The following VNN2 variants were observed in gnomAD, a reference collection of about 807,000 sequenced individuals.
VNN2 encodes the protein vanin 2, also known as pantetheine hydrolase VNN2.
VNN2 carries 43 observed loss-of-function variants against 43.0 expected under a neutral mutation model. The ratio of observed to expected loss-of-function variants is 1.00; its 90% CI spans 0.78 to 1.29. The LOEUF is 1.29. VNN2 is among the 50% of genes most tolerant of loss of function. The probability of loss-of-function intolerance (pLI) is 0.00; values close to 1 mark genes in which losing one functional copy is unlikely to be tolerated. For synonymous variants in VNN2, 230 were observed against 224.3 expected, an observed-to-expected ratio of 1.03 and a Z score of -0.23; for missense variants, 652 against 619.7, an observed-to-expected ratio of 1.05 and a Z score of -0.55.
At chr6:132,761,595 G>T (rs542472030), upstream of VNN2, among the ~76,000 whole-genome samples, 2 of 152,116 alleles carry the variant, frequency 1.3e-5, no homozygotes, top group Non-Finnish European at 2.9e-5. Flanking sequence ...AGGAGGAGGA[G>T]GTTGCAGTGA....
rs780616091 is a variant in VNN2 at position 132,755,712 on chromosome 6, C to CAAAA, written c.537+127_537+130dup. On this transcript the variant is annotated intron_variant, in intron 3 of 6. Transcript: ENST00000326499. Reference sequence around the variant, plus strand: ...TTCTTTATTGCCCACTTTCAAAAAACAAAAAACAAAACAAAACAAAAAAAC... The same window carrying CAAAA: ...TTCTTTATTGCCCACTTTCAAAAAACAAAAAAAAAACAAAACAAAACAAAAAAAC... 5.2e-5 allele frequency: 56 copies of CAAAA among 1,072,074 alleles called. 1 individual carries two copies. The highest frequency in any genetic ancestry group is 1.1e-4 in the East Asian group (4 of 36,606). The allele number at this position is 1,072,074 out of a possible 1,614,324, so 66.4% of individuals were successfully genotyped here.
chr6:132,758,043 T>TA (rs374005582), upstream of VNN2: 14,279 of 357,524 alleles, frequency 0.04, 1,072 homozygotes, highest in East Asian at 0.083. Flanking sequence ...CTTCTTCTTT[T>TA]TTTTTTTTTT....
At position 132,757,742 on chromosome 6, in the gene VNN2, C is replaced by A; in HGVS notation, c.142G>T (p.Glu48Ter). 1 of 1,614,156 alleles carries A rather than the reference C, an allele frequency of 6.2e-7. No individual in the cohort carries two copies. Among genetic ancestry groups the A allele is most frequent in the Non-Finnish European group, 8.5e-7 (1 of 1,180,026 alleles). Residue 48 changes from glutamate to a stop codon, truncating the protein, a stop_gained, in exon 1 of 7, where the codon GAG becomes TAG. Coordinates refer to ENST00000326499, the MANE Select transcript of VNN2 (RefSeq NM_004665.6). LOFTEE classifies it high-confidence loss of function. ...PNKTETPVSQ[E>*]DALNLMNENI... Reference sequence around the variant, plus strand: ...TCGTTCATGAGATTCAAGGCATCCTCCTGAGAAACTGGTGTTTCTGTTTTA... The same window carrying A: ...TCGTTCATGAGATTCAAGGCATCCTACTGAGAAACTGGTGTTTCTGTTTTA...
chr6:132,753,640 T>A, intron 3 of VNN2: 1 of 286,960 alleles, frequency 3.5e-6, no homozygotes, highest in Non-Finnish European at 7.0e-6. Flanking sequence ...GAAAAGAAAT[T>A]GGGCTTTACT....
rs376154148 is a variant in VNN2 at position 132,744,244 on chromosome 6, C to A, written c.*56G>T. ...AAGTTTCTTAGTAAACTTGGGAAGC[C>A]GATAAACACATTCAGCCAAGCATAT... On this transcript the variant is annotated 3_prime_UTR_variant, in exon 7 of 7. Transcript: ENST00000326499. The A allele has an allele frequency of 6.6e-7, 1 of 1,521,184 alleles. No individual in the cohort carries two copies. The allele number at this position is 1,521,184 out of a possible 1,614,324, so 94.2% of individuals were successfully genotyped here. A position where few individuals can be genotyped will look rare whatever the true frequency, so the allele number is the denominator to read the frequency against.
At chr6:132,751,620 T>A in intron 4 of VNN2, 102 bp from the exon 5 acceptor site, 1 of 1,384,720 alleles carries the variant, frequency 7.2e-7, no homozygotes, top group Admixed American at 2.4e-5. Flanking sequence ...CGCCACCATA[T>A]TAGTCACGAT....
chr6:132,761,025 T>G (rs1315338245), upstream of VNN2, among the ~76,000 whole-genome samples: 1 of 152,194 alleles, frequency 6.6e-6, no homozygotes, highest in Non-Finnish European at 1.5e-5. Context: ...GCAATTTAAA[T>G]ATAGGAAAAT....
intron 3 of VNN2, chr6:132,753,557 T>G (rs1252324256): frequency 2.3e-6 from 1 of 436,214 alleles, no homozygotes; most frequent in African/African-American, 2.1e-5. Flanking sequence ...AAAAAAAAAC[T>G]TAGTCTAATA....
In VNN2 at chr6:132,757,827, C is replaced by A. The variant is rs931011160; in HGVS notation, c.57G>T (p.Gln19His). 1.2e-6 allele frequency: 2 copies of A among 1,613,922 alleles called. No homozygotes were observed. The highest frequency in any genetic ancestry group is 1.7e-6 in the Non-Finnish European group (2 of 1,180,032). ...SVAVFALITL[Q>H]VGTQDSFIAA... ...CTATAAAACTGTCCTGAGTACCAACCTGCAGGGTTATTAGGGCAAAAACTG... is the reference window on the plus strand; with the variant it reads ...CTATAAAACTGTCCTGAGTACCAACATGCAGGGTTATTAGGGCAAAAACTG... The change falls in exon 1 of 7, where the codon CAG becomes CAT. Residue 19 changes from glutamine (Q) to histidine (H), a missense_variant. Transcript: ENST00000326499.
chr6:132,751,929 T>C (rs915954547), intron 4 of VNN2, among the ~76,000 whole-genome samples: 5 of 152,204 alleles, frequency 3.3e-5, no homozygotes, highest in African/African-American at 1.2e-4. Context: ...TCCTTTCCCC[T>C]TGAAGAGGGG....
chr6:132,758,945 C>T (rs1780657752), upstream of VNN2, among the ~76,000 whole-genome samples: 1 of 152,118 alleles, frequency 6.6e-6, no homozygotes, highest in Non-Finnish European at 1.5e-5. Context: ...CCTTCCCTCC[C>T]CATCCTCCCC....
chr6:132,761,362 A>T (rs1484518000), upstream of VNN2, among the ~76,000 whole-genome samples: 1 of 152,008 alleles, frequency 6.6e-6, no homozygotes, highest in Non-Finnish European at 1.5e-5. Flanking sequence ...CCATAAAAAA[A>T]AAAAAAACAG....
At chr6:132,747,395 T>C (rs954340026) in intron 6 of VNN2, among the ~76,000 whole-genome samples, 1 of 152,060 alleles carries the variant, frequency 6.6e-6, no homozygotes, top group Non-Finnish European at 1.5e-5. Context: ...AGGTGGCAGA[T>C]CACTAGATGT....
intron 4 of VNN2, 135 bp from the exon 5 acceptor site, chr6:132,751,653 T>C: frequency 9.6e-7 from 1 of 1,036,592 alleles, no homozygotes; most frequent in South Asian, 1.7e-5. Flanking sequence ...ATGCTTCTAA[T>C]TGCACTGAAC....
chr6:132,755,617 C>T (rs557025507), intron 3 of VNN2, among the ~76,000 whole-genome samples: 34 of 152,180 alleles, frequency 2.2e-4, no homozygotes, highest in African/African-American at 7.5e-4. Flanking sequence ...TCAAGTGATC[C>T]ACCTGCCTCA....
In VNN2 at chr6:132,752,453, T is replaced by C. The variant is rs1780167612; in HGVS notation, c.826+8A>G. 6 of 1,608,838 alleles carry C rather than the reference T, an allele frequency of 3.7e-6. No individual in the cohort carries two copies. In the South Asian group the frequency reaches 5.5e-5, roughly 15 times the overall value. On this transcript the variant is annotated splice_region_variant and intron_variant, in intron 4 of 6. Coordinates refer to ENST00000326499, the MANE Select transcript of VNN2 (RefSeq NM_004665.6). ...TATAAGATGAAACCTAACCTGGTCA[T>C]GAATTACCTGTCATATTTAGGCTGA...
chr6:132,762,903 T>C (rs1243098978), upstream of VNN2, among the ~76,000 whole-genome samples: 1 of 152,202 alleles, frequency 6.6e-6, no homozygotes, highest in Admixed American at 6.5e-5. Flanking sequence ...CAGAAGTCCC[T>C]TTGAGTTAGT....
At chr6:132,744,698 A>G (rs916516485) in intron 6 of VNN2, among the ~76,000 whole-genome samples, 2 of 152,254 alleles carry the variant, frequency 1.3e-5, no homozygotes, top group African/African-American at 4.8e-5. Context: ...TTTAGTTTCA[A>G]CAATCAAATG....
chr6:132,751,348 G>C lies in VNN2; in HGVS notation c.997C>G (p.Gln333Glu), dbSNP rs200146252. 4 of 1,614,134 alleles carry C rather than the reference G, an allele frequency of 2.5e-6. No individual in the cohort carries two copies. Among genetic ancestry groups the C allele is most frequent in the Admixed American group, 3.3e-5 (2 of 60,008 alleles). The change falls in exon 5 of 7, where the codon CAG (glutamine) becomes GAG (glutamate). Residue 333 changes from glutamine to glutamate, a missense_variant. Gln to Glu is a conservative substitution (Grantham distance 29, BLOSUM62 2). Transcript: ENST00000326499. ...ATAAATCCCCTGAAAGTGTTTTTCT[G>C]TACTGGAAATGGTTTGATGGTGGTG... ...YATTIKPFPVQKNTFRGFISR... is the reference protein window; with the variant it reads ...YATTIKPFPVEKNTFRGFISR...
Sources: allele counts gnomAD v4.1 joint callset (sites outside exome capture counted in the v4.1 genomes callset), GRCh38; gene constraint gnomAD v4.1.1; transcripts MANE v1.5; gene names NCBI Gene and HGNC (gene_info 2026-07-23, HGNC 2026-07-21).